TENT4A: variants seen among roughly 807,000 people sequenced by gnomAD.
TENT4A encodes DNA polymerase kappa.
A neutral mutation model predicts 72.8 loss-of-function variants in TENT4A; 7 were observed. The observed-to-expected ratio is 0.10, with a 90% CI of 0.05 to 0.18. The LOEUF is 0.18. Ranked by LOEUF, TENT4A falls within the 10% of genes least tolerant of loss-of-function variation. TENT4A has a pLI of 1.00. For missense variants in TENT4A, 831 were observed against 1,017.7 expected, an observed-to-expected ratio of 0.82 and a Z score of 2.50; for synonymous variants, 456 against 434.3, an observed-to-expected ratio of 1.05 and a Z score of -0.62.
At chr5:6,718,769 C>G (rs900367870) in intron 1 of TENT4A, among the ~76,000 whole-genome samples, 1 of 152,310 alleles carries the variant, frequency 6.6e-6, no homozygotes, top group East Asian at 1.9e-4. Context: ...GTGCAAGACA[C>G]TGGCTGTGCT....
chr5:6,726,822 A>C (rs779757182), intron 1 of TENT4A, among the ~76,000 whole-genome samples: 1 of 152,116 alleles, frequency 6.6e-6, no homozygotes, highest in Non-Finnish European at 1.5e-5. Context: ...CCTGCGCCCA[A>C]CTGCTGTCTC....
At chr5:6,720,983 G>A (rs910799418) in intron 1 of TENT4A, among the ~76,000 whole-genome samples, 4 of 152,164 alleles carry the variant, frequency 2.6e-5, no homozygotes, top group Non-Finnish European at 4.4e-5. Flanking sequence ...CTTGGCTTCA[G>A]AGCACTGTGC....
intron 7 of TENT4A, 71 bp from the exon 8 acceptor site, chr5:6,748,393 A>T: frequency 1.3e-6 from 2 of 1,586,018 alleles, no homozygotes; most frequent in Non-Finnish European, 1.7e-6. Flanking sequence ...AGTCACTTGT[A>T]TGAGAAGATC....
At chr5:6,753,467 G>A (rs1370923765) in intron 12 of TENT4A, among the ~76,000 whole-genome samples, 3 of 152,276 alleles carry the variant, frequency 2.0e-5, no homozygotes, top group African/African-American at 4.8e-5. Context: ...TGGGGCAGGA[G>A]CAAGCGTCAG....
chr5:6,743,527 C>G (rs1741934896), intron 5 of TENT4A, among the ~76,000 whole-genome samples, 185 bp from the exon 6 acceptor site: 1 of 152,210 alleles, frequency 6.6e-6, no homozygotes, highest in Non-Finnish European at 1.5e-5. Flanking sequence ...TCGATTTTCA[C>G]AAGCCCCTCA....
chr5:6,734,026 G>A (rs1741340198), intron 1 of TENT4A, among the ~76,000 whole-genome samples: 1 of 152,254 alleles, frequency 6.6e-6, no homozygotes, highest in South Asian at 2.1e-4. Flanking sequence ...CGTAGAGAGT[G>A]TACATCAGCA....
rs374469337 is a variant in TENT4A at position 6,746,340 on chromosome 5, G to A, written c.1372G>A (p.Ala458Thr). The part of the protein sequence containing the change: ...KTGIRIKEGG[A>T]YIAKEEIMKA... ...CGGTATTAGAATCAAAGAAGGAGGTGCCTATATCGCCAAAGAGGAGATCAT... is the reference window on the plus strand; with the variant it reads ...CGGTATTAGAATCAAAGAAGGAGGTACCTATATCGCCAAAGAGGAGATCAT... The change falls in exon 7 of 13, where the codon GCC becomes ACC. Residue 458 changes from alanine (A) to threonine (T), a missense_variant. Physicochemically the swap from Ala to Thr is moderately conservative, Grantham distance 58. This residue lies in a region of TENT4A where 197 missense variants were observed against 399.6 expected (regional missense o/e 0.49). Transcript: ENST00000230859. 9.0e-5 allele frequency: 146 copies of A among 1,614,062 alleles called. No individual in the cohort carries two copies. The highest frequency in any genetic ancestry group is 1.2e-4 in the Non-Finnish European group (137 of 1,180,028).
At chr5:6,754,531 G>A (rs1017040042) in intron 12 of TENT4A, among the ~76,000 whole-genome samples, 1 of 152,162 alleles carries the variant, frequency 6.6e-6, no homozygotes, top group Non-Finnish European at 1.5e-5. Flanking sequence ...TGCTGAATTT[G>A]TGTGGTTTGA....
chr5:6,713,977 C>T lies in TENT4A; in HGVS notation c.-7C>T, dbSNP rs960732335. 687 of 974,984 alleles carry T rather than the reference C, an allele frequency of 7.0e-4. 1 individual carries two copies. The highest frequency in any genetic ancestry group is 1.1e-3 in the South Asian group (25 of 21,892). 60.4% of individuals were successfully genotyped at this position (974,984 alleles called of 1,614,324 possible). A position where few individuals can be genotyped will look rare whatever the true frequency, so the allele number is the denominator to read the frequency against. On this transcript the variant is annotated 5_prime_UTR_variant, in exon 1 of 13. Coordinates refer to ENST00000230859, the MANE Select transcript of TENT4A (RefSeq NM_006999.6). ...GGGCGCGCGGGCCCCGCGGGGGCGG[C>T]GCGTGGATGGATCCGCGCGTGGCCT... is the stretch of plus-strand genomic sequence containing the variant.
intron 1 of TENT4A, among the ~76,000 whole-genome samples, chr5:6,730,491 G>A (rs1741155266): frequency 6.6e-6 from 1 of 152,160 alleles, no homozygotes; most frequent in Non-Finnish European, 1.5e-5. Flanking sequence ...AGGGGAGTGC[G>A]CCCTCCTCCT....
intron 6 of TENT4A, among the ~76,000 whole-genome samples, chr5:6,744,223 G>C (rs922143899): frequency 6.6e-6 from 1 of 152,160 alleles, no homozygotes; most frequent in Non-Finnish European, 1.5e-5. Flanking sequence ...CCACATATGA[G>C]AAAAGGATTT....
intron 8 of TENT4A, 45 bp from the exon 9 acceptor site, chr5:6,749,512 G>C (rs745766312): frequency 7.7e-7 from 1 of 1,301,938 alleles, no homozygotes; most frequent in Admixed American, 1.7e-5. Flanking sequence ...TCAGCTCCCT[G>C]ACACCTGTTG....
chr5:6,725,651 A>G (rs910180740), intron 1 of TENT4A, among the ~76,000 whole-genome samples: 2 of 152,194 alleles, frequency 1.3e-5, no homozygotes, highest in African/African-American at 2.4e-5. Context: ...ACTAAAACAT[A>G]ATGACATTGT....
intron 9 of TENT4A, 50 bp from the exon 10 acceptor site, chr5:6,750,281 C>T (rs1742326625): frequency 1.3e-6 from 2 of 1,501,542 alleles, no homozygotes; most frequent in Non-Finnish European, 1.8e-6. Flanking sequence ...CGGGGCGGCT[C>T]CACGCCGCAG....
intron 1 of TENT4A, among the ~76,000 whole-genome samples, chr5:6,720,887 T>C (rs1031498358): frequency 2.8e-4 from 42 of 152,100 alleles, no homozygotes; most frequent in African/African-American, 9.9e-4. Context: ...CTTAAGTTGA[T>C]AGCAGTCTAT....
chr5:6,714,622 A>T lies in TENT4A; in HGVS notation c.639A>T (p.Gly213=). The change falls in exon 1 of 13, where the codon GGA becomes GGT. Residue 213 remains glycine, a synonymous_variant. Coordinates refer to ENST00000230859, the MANE Select transcript of TENT4A (RefSeq NM_006999.6). ...GCAGCCGCGCGGCCGCTCTCAGCGG[A>T]GGGGGCGGCCCCGGGGCCCAGGCGC... ...LSGSRAAALS[G]GGGPGAQAPR... The T allele has an allele frequency of 8.3e-6, 10 of 1,197,610 alleles. No individual in the cohort carries two copies. The highest frequency in any genetic ancestry group is 1.0e-5 in the Non-Finnish European group (10 of 965,922). 74.2% of individuals were successfully genotyped at this position (1,197,610 alleles called of 1,614,324 possible).
In TENT4A at chr5:6,719,211, A is replaced by G. The variant is rs1027246828; in HGVS notation, c.716+4512A>G. 3.5e-4 allele frequency among the ~76,000 whole-genome samples: 54 copies of G among 152,364 alleles called. No homozygotes were observed. In the Middle Eastern group the frequency reaches 0.01, roughly 29 times the overall value. ...CTCAAACGTTCTTTGGTCACTATTTAATATGAGATTTTGTCCTCATTTTAA... is the reference window on the plus strand; with the variant it reads ...CTCAAACGTTCTTTGGTCACTATTTGATATGAGATTTTGTCCTCATTTTAA... On this transcript the variant is annotated intron_variant, in intron 1 of 12. Transcript: ENST00000230859.
intron 1 of TENT4A, 53 bp downstream of exon 1, chr5:6,714,752 G>A (rs1189700725): frequency 1.8e-6 from 2 of 1,082,254 alleles, no homozygotes; most frequent in African/African-American, 1.7e-5. Flanking sequence ...GGTCCTGGCC[G>A]GCGCCCGCGG....
intron 1 of TENT4A, among the ~76,000 whole-genome samples, chr5:6,721,726 A>G (rs1362572786): frequency 6.6e-6 from 1 of 152,212 alleles, no homozygotes; most frequent in Admixed American, 6.5e-5. Context: ...AGATGGGAGC[A>G]GCTCTGAGGG....
Sources: allele counts gnomAD v4.1 joint callset (sites outside exome capture counted in the v4.1 genomes callset), GRCh38; gene constraint gnomAD v4.1.1; regional missense constraint gnomAD v4.1.1; transcripts MANE v1.5; gene names NCBI Gene and HGNC (gene_info 2026-07-23, HGNC 2026-07-21).